SGCZ: variants seen among roughly 807,000 people sequenced by gnomAD.
SGCZ encodes the protein zeta-sarcoglycan.
In SGCZ, 40 loss-of-function variants were observed where a neutral mutation model predicts 41.3. That is an observed-to-expected ratio of 0.97 (90% CI 0.75 to 1.26). SGCZ has a LOEUF of 1.26. Ranked by LOEUF, SGCZ falls within the 50% of genes most tolerant of loss-of-function variation. SGCZ has a pLI of 0.00. For synonymous variants in SGCZ, 206 were observed against 137.5 expected, an observed-to-expected ratio of 1.50 and a Z score of -3.49; for missense variants, 552 against 369.8, an observed-to-expected ratio of 1.49 and a Z score of -4.04.
At chr8:15,106,542 A>G (rs1014105783) in intron 1 of SGCZ, among the ~76,000 whole-genome samples, 3 of 151,776 alleles carry the variant, frequency 2.0e-5, no homozygotes, top group African/African-American at 7.2e-5. Context: ...TCCATCCATT[A>G]TACTTTACAT....
chr8:14,504,073 C>T (rs1802233574), intron 2 of SGCZ, among the ~76,000 whole-genome samples: 2 of 151,946 alleles, frequency 1.3e-5, no homozygotes, highest in Non-Finnish European at 2.9e-5. Flanking sequence ...AGAGTTCTTC[C>T]CTCTGTTTAT....
chr8:14,519,358 A>G (rs2117096322), intron 2 of SGCZ, among the ~76,000 whole-genome samples: 1 of 152,184 alleles, frequency 6.6e-6, no homozygotes, highest in Non-Finnish European at 1.5e-5. Flanking sequence ...CTAAAATAAA[A>G]CTTTGTAATG....
At chr8:14,247,378 A>G (rs1412013055) in intron 3 of SGCZ, among the ~76,000 whole-genome samples, 1 of 152,182 alleles carries the variant, frequency 6.6e-6, no homozygotes, top group Non-Finnish European at 1.5e-5. Context: ...ATATGTATCC[A>G]GAATGATGCT....
At chr8:14,304,663 C>T (rs1036223278) in intron 3 of SGCZ, among the ~76,000 whole-genome samples, 2 of 152,102 alleles carry the variant, frequency 1.3e-5, no homozygotes, top group Non-Finnish European at 2.9e-5. Flanking sequence ...TGTAGCTTTA[C>T]ATGCCATAGC....
chr8:14,588,371 A>C (rs73192369), intron 1 of SGCZ, among the ~76,000 whole-genome samples: 43,397 of 151,994 alleles, frequency 0.29, 6,394 homozygotes, highest in South Asian at 0.34. Context: ...CACCACCAAG[A>C]GATTTCAAAA....
intron 1 of SGCZ, among the ~76,000 whole-genome samples, chr8:14,800,238 G>C (rs983937382): frequency 2.0e-5 from 3 of 151,898 alleles, no homozygotes; most frequent in African/African-American, 7.3e-5. Flanking sequence ...GGAAAAATCA[G>C]GTACATTAAT....
intron 2 of SGCZ, among the ~76,000 whole-genome samples, chr8:14,480,465 A>T (rs1356168354): frequency 6.6e-6 from 1 of 152,044 alleles, no homozygotes; most frequent in Admixed American, 6.6e-5. Flanking sequence ...TATTATTTCA[A>T]TGTTTACCCT....
intron 1 of SGCZ, among the ~76,000 whole-genome samples, chr8:14,655,618 T>A (rs574541616): frequency 6.6e-6 from 1 of 152,242 alleles, no homozygotes; most frequent in African/African-American, 2.4e-5. Context: ...GAGACACCTT[T>A]AATTCTTTAC....
intron 2 of SGCZ, among the ~76,000 whole-genome samples, chr8:14,331,318 C>T (rs562990293): frequency 6.6e-6 from 1 of 152,108 alleles, no homozygotes; most frequent in East Asian, 1.9e-4. Flanking sequence ...ACTTCAACTT[C>T]TAATTAAAGA....
chr8:14,127,765 A>G (rs112625577), intron 5 of SGCZ, among the ~76,000 whole-genome samples: 5 of 152,086 alleles, frequency 3.3e-5, no homozygotes, highest in African/African-American at 1.2e-4. Flanking sequence ...CTGTTTTAGA[A>G]TTTTTTAACT....
intron 1 of SGCZ, among the ~76,000 whole-genome samples, chr8:15,214,131 AC>A (rs1197788314): frequency 5.3e-5 from 8 of 152,066 alleles, no homozygotes; most frequent in African/African-American, 1.7e-4. Context: ...GTGAAAAAAA[AC>A]ATCAATTTTT....
intron 1 of SGCZ, among the ~76,000 whole-genome samples, chr8:14,779,661 G>C (rs937630343): frequency 6.6e-6 from 1 of 152,078 alleles, no homozygotes; most frequent in South Asian, 2.1e-4. Context: ...ATTCTTTAAC[G>C]TGCATAGGTA....
chr8:14,384,127 C>T (rs1000505204), intron 2 of SGCZ, among the ~76,000 whole-genome samples: 31 of 152,004 alleles, frequency 2.0e-4, no homozygotes, highest in Admixed American at 2.0e-3. Flanking sequence ...CCCGCTACCC[C>T]ACAACAGTCC....
chr8:14,875,118 T>C (rs531663235), intron 1 of SGCZ, among the ~76,000 whole-genome samples: 2 of 152,258 alleles, frequency 1.3e-5, no homozygotes, highest in East Asian at 3.9e-4. Context: ...GGCTGGGAAA[T>C]TCAAGCACAA....
intron 1 of SGCZ, among the ~76,000 whole-genome samples, chr8:14,949,053 C>T (rs1378456579): frequency 2.0e-5 from 3 of 152,052 alleles, no homozygotes; most frequent in African/African-American, 7.2e-5. Flanking sequence ...ATCCAAAGTA[C>T]ATTCGGTACA....
At chr8:15,049,247 C>T (rs867977974) in intron 1 of SGCZ, among the ~76,000 whole-genome samples, 5 of 152,066 alleles carry the variant, frequency 3.3e-5, no homozygotes, top group South Asian at 4.1e-4. Context: ...GTTACGCAAA[C>T]GGCATAGGGA....
intron 2 of SGCZ, among the ~76,000 whole-genome samples, chr8:14,449,680 C>A (rs1393449378): frequency 6.6e-6 from 1 of 152,144 alleles, no homozygotes; most frequent in Non-Finnish European, 1.5e-5. Flanking sequence ...GCCTTTCACC[C>A]TCAAAGATAC....
At chr8:14,501,911 A>T (rs1215056959) in intron 2 of SGCZ, among the ~76,000 whole-genome samples, 1 of 152,276 alleles carries the variant, frequency 6.6e-6, no homozygotes, top group South Asian at 2.1e-4. Context: ...TGAAATAAAA[A>T]TCACTTTATA....
intron 2 of SGCZ, among the ~76,000 whole-genome samples, chr8:14,483,703 T>C (rs779413009): frequency 3.4e-4 from 51 of 152,236 alleles, no homozygotes; most frequent in Non-Finnish European, 7.2e-4. Context: ...GATCCTGAAC[T>C]ACTAATGGGT....
Sources: allele counts gnomAD v4.1 joint callset (sites outside exome capture counted in the v4.1 genomes callset), GRCh38; gene constraint gnomAD v4.1.1; transcripts MANE v1.5; gene names NCBI Gene and HGNC (gene_info 2026-07-23, HGNC 2026-07-21).